The following TCTN2 variants were observed in gnomAD, a reference collection of about 807,000 sequenced individuals.
TCTN2 encodes the protein tectonic-2.
TCTN2 carries 66 observed loss-of-function variants against 83.4 expected under a neutral mutation model. The observed-to-expected ratio is 0.79, with a 90% confidence interval of 0.65 to 0.97. TCTN2 has a LOEUF of 0.97. Among genes scored for constraint, TCTN2 ranks in the 50% least tolerant of loss-of-function variants. The pLI is 0.00. For synonymous variants in TCTN2, 301 were observed against 326.7 expected (o/e 0.92, Z 0.85); for missense variants, 794 against 858.1 (o/e 0.93, Z 0.93).
intron 15 of TCTN2, among the ~76,000 whole-genome samples, chr12:123,705,907 G>A (rs1287900986): frequency 6.7e-6 from 1 of 148,390 alleles, no homozygotes; most frequent in Admixed American, 6.8e-5. Context: ...CAAGCATGTG[G>A]CACCTCGCCT....
chr12:123,675,417 G>C (rs1005857457), intron 4 of TCTN2, among the ~76,000 whole-genome samples: 34 of 152,196 alleles, frequency 2.2e-4, no homozygotes, highest in African/African-American at 8.2e-4. Flanking sequence ...ACGTGGCATG[G>C]AGGGAGAAGC....
Position 123,707,630 on chromosome 12 carries a change from A to G in TCTN2, c.2011A>G (p.Lys671Glu). 1 of 1,614,148 alleles carries G rather than the reference A, an allele frequency of 6.2e-7. No individual in the cohort carries two copies. Among genetic ancestry groups the G allele is most frequent in the Non-Finnish European group, 8.5e-7 (1 of 1,180,018 alleles). ...GGAGCTGCATTCTCAGTGTGTTGCT[A>G]AGGGCTTACTGTTGCTGTTGTTCCT... ...QGELHSQCVA[K>E]GLLLLLFLTL... Residue 671 changes from lysine (K) to glutamate (E), a missense_variant, in exon 18 of 18, where the codon AAG becomes GAG. Lys to Glu is a moderately conservative substitution (Grantham distance 56, BLOSUM62 1). Coordinates refer to ENST00000303372, the MANE Select transcript of TCTN2 (RefSeq NM_024809.5).
intron 5 of TCTN2, among the ~76,000 whole-genome samples, chr12:123,681,282 T>A (rs7960951): frequency 0.41 from 61,601 of 150,126 alleles, 13,521 homozygotes; most frequent in African/African-American, 0.54. Flanking sequence ...AAGAAAGAAA[T>A]CACAGGTTTT....
Position 123,706,718 on chromosome 12 carries a change from C to A in TCTN2, c.1770-8C>A. On this transcript the variant is annotated splice_region_variant and splice_polypyrimidine_tract_variant and intron_variant, in intron 15 of 17. Transcript: ENST00000303372. ...GGCTATGCTGACCATGTGATCTTTC[C>A]CTCCTAGGTTCTCCTCAGTGAACTG... 6.2e-7 allele frequency: 1 copy of A among 1,613,800 alleles called. No individual in the cohort carries two copies. Among genetic ancestry groups the A allele is most frequent in the South Asian group, 1.1e-5 (1 of 91,068 alleles).
At chr12:123,692,045 C>A (rs1956049440) in intron 8 of TCTN2, among the ~76,000 whole-genome samples, 2 of 152,182 alleles carry the variant, frequency 1.3e-5, no homozygotes, top group South Asian at 2.1e-4. Context: ...CAGGCACCCA[C>A]CACCACGCCC....
At chr12:123,681,008 C>T (rs1367944671) in intron 5 of TCTN2, among the ~76,000 whole-genome samples, 1 of 151,910 alleles carries the variant, frequency 6.6e-6, no homozygotes, top group African/African-American at 2.4e-5. Flanking sequence ...GCAGCTCACG[C>T]CTGTAATCCC....
intron 7 of TCTN2, among the ~76,000 whole-genome samples, chr12:123,689,042 CTT>C (rs528114738): frequency 1.4e-5 from 2 of 146,002 alleles, no homozygotes; most frequent in Non-Finnish European, 3.0e-5. Flanking sequence ...AGGCATGAGT[CTT>C]TTTTTTTTTT....
Position 123,707,836 on chromosome 12 carries a change from G to A in TCTN2, c.*123G>A, listed in dbSNP as rs766896057. ...AAGCGATTCTCCTGCCTCAGCCTCC[G>A]GAGAACTGGGATTACAGGCATGCAC... On this transcript the variant is annotated 3_prime_UTR_variant, in exon 18 of 18. Coordinates refer to ENST00000303372, the MANE Select transcript of TCTN2 (RefSeq NM_024809.5). 1.6e-5 allele frequency: 12 copies of A among 759,766 alleles called. No individual in the cohort carries two copies. Among genetic ancestry groups the A allele is most frequent in the Admixed American group, 4.0e-5 (2 of 49,842 alleles). The allele number at this position is 759,766 out of a possible 1,614,324, so 47.1% of individuals were successfully genotyped here. A position where few individuals can be genotyped will look rare whatever the true frequency, so the allele number is the denominator to read the frequency against.
intron 5 of TCTN2, among the ~76,000 whole-genome samples, chr12:123,686,036 A>AATTTATTT (rs373077132): frequency 6.6e-5 from 10 of 150,638 alleles, no homozygotes; most frequent in Non-Finnish European, 1.2e-4. Flanking sequence ...CAGTCCAAGT[A>AATTTATTT]ATTTATTTAT....
Position 123,673,822 on chromosome 12 carries a change from C to A in TCTN2, c.463+12C>A. 1 of 1,613,066 alleles carries A rather than the reference C, an allele frequency of 6.2e-7. No individual in the cohort carries two copies. Among genetic ancestry groups the A allele is most frequent in the South Asian group, 1.1e-5 (1 of 91,074 alleles). ...CCATAATGCCTCAGGCAAGTGAAGT[C>A]TTTGACTGTCAAAACTTTCATGTTG... On this transcript the variant is annotated intron_variant, in intron 4 of 17. Transcript: ENST00000303372.
At chr12:123,682,777 T>A (rs1955915423) in intron 5 of TCTN2, among the ~76,000 whole-genome samples, 2 of 152,066 alleles carry the variant, frequency 1.3e-5, no homozygotes, top group Non-Finnish European at 2.9e-5. Flanking sequence ...CCACTGTGCC[T>A]AGCCAGGTTG....
chr12:123,671,980 C>T (rs1955758375), intron 2 of TCTN2, 76 bp from the exon 3 acceptor site: 2 of 1,222,434 alleles, frequency 1.6e-6, no homozygotes, highest in South Asian at 1.2e-5. Flanking sequence ...GTGAGTCCAT[C>T]CTAGGCAGTC....
At chr12:123,694,118 C>T (rs11830462) in intron 9 of TCTN2, among the ~76,000 whole-genome samples, 54,529 of 151,678 alleles carry the variant, frequency 0.36, 10,279 homozygotes, top group African/African-American at 0.41. Flanking sequence ...CTCAGCCTCC[C>T]GAGTAGCTGG....
chr12:123,707,680 C>A lies in TCTN2; in HGVS notation c.2061C>A (p.Asn687Lys), dbSNP rs1300370378. ...TCACATTGGCCTTGTTCCTCAGCAA[C>A]CCCTGGACCAGAATATGCAAAGCCT... ...LFLTLALFLSNPWTRICKAYS is the reference protein window; with the variant it reads ...LFLTLALFLSKPWTRICKAYS Residue 687 changes from asparagine to lysine, a missense_variant, in exon 18 of 18, where the codon AAC (asparagine) becomes AAA (lysine). Coordinates refer to ENST00000303372, the MANE Select transcript of TCTN2 (RefSeq NM_024809.5). The A allele has an allele frequency of 1.9e-6, 3 of 1,614,156 alleles. No homozygotes were observed. The highest frequency in any genetic ancestry group is 1.1e-5 in the South Asian group (1 of 91,090).
intron 4 of TCTN2, among the ~76,000 whole-genome samples, chr12:123,675,371 C>T (rs184752227): frequency 8.5e-4 from 130 of 152,264 alleles, no homozygotes; most frequent in African/African-American, 3.0e-3. Context: ...CCCCTGTCTC[C>T]GGTGGCGAAC....
intron 6 of TCTN2, 100 bp downstream of exon 6, chr12:123,687,135 C>G: frequency 1.4e-6 from 2 of 1,381,458 alleles, no homozygotes; most frequent in Middle Eastern, 3.6e-4. Context: ...TTTTCCCAAC[C>G]CCTCTCCAGA....
intron 5 of TCTN2, among the ~76,000 whole-genome samples, chr12:123,683,857 T>G (rs780697365): frequency 1.4e-4 from 22 of 152,160 alleles, no homozygotes; most frequent in Non-Finnish European, 3.1e-4. Context: ...ACTAGGGTGG[T>G]CTTGATCTCC....
intron 14 of TCTN2, among the ~76,000 whole-genome samples, chr12:123,703,482 G>GATTTTT (rs1956195865): frequency 1.3e-5 from 2 of 151,942 alleles, no homozygotes; most frequent in South Asian, 2.1e-4. Flanking sequence ...ACGCCCGACT[G>GATTTTT]ATTTTTATTT....
Position 123,688,081 on chromosome 12 carries a change from A to G in TCTN2, c.795A>G (p.Val265=). 2.5e-6 allele frequency: 4 copies of G among 1,614,136 alleles called. No homozygotes were observed. Among genetic ancestry groups the G allele is most frequent in the Non-Finnish European group, 3.4e-6 (4 of 1,179,996 alleles). ...CCAAACAGGACTCTTCCTTTGAAGT[A>G]TATGTGGATACTGACGCAAAAGACT... The part of the protein sequence containing the change: ...VSPKQDSSFE[V]YVDTDAKDFA... Residue 265 remains valine (V), a synonymous_variant, in exon 7 of 18, where the codon GTA becomes GTG. Coordinates refer to ENST00000303372, the MANE Select transcript of TCTN2 (RefSeq NM_024809.5).
Sources: allele counts gnomAD v4.1 joint callset (sites outside exome capture counted in the v4.1 genomes callset), GRCh38; gene constraint gnomAD v4.1.1; transcripts MANE v1.5; gene names NCBI Gene and HGNC (gene_info 2026-07-23, HGNC 2026-07-21).